NEB: variants seen among roughly 807,000 people sequenced by gnomAD.
NEB encodes nemaline myopathy type 2.
A neutral mutation model predicts 952.2 loss-of-function variants in NEB; 512 were observed. The ratio of observed to expected loss-of-function variants is 0.54; its 90% CI spans 0.50 to 0.58. The LOEUF is 0.58. Among genes scored for constraint, NEB ranks in the 20% least tolerant of loss-of-function variants. The probability of loss-of-function intolerance (pLI) is 0.00; values close to 1 mark genes in which losing one functional copy is unlikely to be tolerated. For missense variants in NEB, 8,428 were observed against 9,231.1 expected, an observed-to-expected ratio of 0.91 and a Z score of 3.56; for synonymous variants, 2,900 against 3,149.8, an observed-to-expected ratio of 0.92 and a Z score of 2.66.
chr2:151,497,894 A>G (rs2061380933), intron 170 of NEB, 176 bp from the exon 171 acceptor site: 2 of 1,486,250 alleles, frequency 1.3e-6, no homozygotes. Context: ...TGCACCCTCT[A>G]GAGAAGCAGG....
In NEB at chr2:151,568,095, A is replaced by T; in HGVS notation, c.17820T>A (p.His5940Gln). 1 of 1,613,598 alleles carries T rather than the reference A, an allele frequency of 6.2e-7. No homozygotes were observed. The highest frequency in any genetic ancestry group is 8.5e-7 in the Non-Finnish European group (1 of 1,179,670). The change falls in exon 113 of 182, where the codon CAT becomes CAA. Residue 5940 changes from histidine to glutamine, a missense_variant. By Grantham distance (24) the His-to-Gln change is conservative (BLOSUM62 0). This residue lies in a region of NEB where 3,374 missense variants were observed against 3,651.5 expected (regional missense o/e 0.92). Coordinates refer to ENST00000397345, the MANE Select transcript of NEB (RefSeq NM_001164508.2). The stretch of plus-strand genomic sequence containing the variant: ...CCTCACTCTGAACGTCATTGCAGTG[A>T]TGGGCATGAACAAATGGCACAGCAT... ...PPDAVPFVHA[H>Q]HCNDVQSELK...
intron 80 of NEB, 88 bp from the exon 81 acceptor site, chr2:151,610,208 AT>A: frequency 8.9e-7 from 1 of 1,122,012 alleles, no homozygotes; most frequent in Non-Finnish European, 1.3e-6. Context: ...AATGGACAAG[AT>A]TTTATATTAC....
chr2:151,535,731 A>G lies in NEB; in HGVS notation c.21272T>C (p.Ile7091Thr), dbSNP rs2093042317. 1 of 1,609,762 alleles carries G rather than the reference A, an allele frequency of 6.2e-7. No individual in the cohort carries two copies. Among genetic ancestry groups the G allele is most frequent in the African/African-American group, 1.3e-5 (1 of 74,898 alleles). The change falls in exon 142 of 182, where the codon ATC becomes ACC. Residue 7091 changes from isoleucine to threonine, a missense_variant. Ile to Thr is a moderately conservative substitution (Grantham distance 89, BLOSUM62 -1). Transcript: ENST00000397345. ...AGTTGCATACTTGAAATGCCTATTGATCGGAGAGTCGGCAACATACTTGAA... is the reference window on the plus strand; with the variant it reads ...AGTTGCATACTTGAAATGCCTATTGGTCGGAGAGTCGGCAACATACTTGAA... ...SDFKYVADSP[I>T]NRHFKYATQL...
rs114798570 is a variant in NEB, at chr2:151,488,001, A to G, written c.25404+1970T>C. The stretch of plus-strand genomic sequence containing the variant: ...TACTTTGTATTATGTACTTTATCTT[A>G]TTTTTATATTCTTGGTTACTAGCAC... On this transcript the variant is annotated intron_variant, in intron 181 of 181. Coordinates refer to ENST00000397345, the MANE Select transcript of NEB (RefSeq NM_001164508.2). Among the ~76,000 whole-genome samples, 1,113 of 152,086 alleles carry G rather than the reference A, an allele frequency of 7.3e-3. 14 individuals carry two copies. Among genetic ancestry groups the G allele is most frequent in the African/African-American group, 0.026 (1,069 of 41,484 alleles).
intron 105 of NEB, 49 bp from the exon 106 acceptor site, chr2:151,576,403 T>C (rs778404087): frequency 4.3e-6 from 6 of 1,402,566 alleles, no homozygotes; most frequent in Non-Finnish European, 5.8e-6. Flanking sequence ...TTGTTGTGTA[T>C]GTGTGTGGTA....
Position 151,619,652 on chromosome 2 carries a change from A to C in NEB, c.10671T>G (p.Ser3557Arg), listed in dbSNP as rs2098334309. Reference protein sequence around the residue: ...MWSLHIAKVQSDREYKKDFEK... With the variant: ...MWSLHIAKVQRDREYKKDFEK... The stretch of plus-strand genomic sequence containing the variant: ...CAAAATCTTTCTTGTACTCACGGTC[A>C]CTCTGCACTTTGGCAATGTGGAGGG... The change falls in exon 73 of 182, where the codon AGT becomes AGG. Residue 3557 changes from serine (S) to arginine (R), a missense_variant. Transcript: ENST00000397345. 6.2e-7 allele frequency: 1 copy of C among 1,613,840 alleles called. No homozygotes were observed. Among genetic ancestry groups the C allele is most frequent in the African/African-American group, 1.3e-5 (1 of 74,994 alleles).
intron 157 of NEB, among the ~76,000 whole-genome samples, chr2:151,515,557 G>A (rs1303733165): frequency 6.6e-6 from 1 of 152,072 alleles, no homozygotes; most frequent in African/African-American, 2.4e-5. Context: ...GGTGGGCAGT[G>A]AGGCACAGAG....
chr2:151,496,142 A>G, intron 173 of NEB, 134 bp downstream of exon 173: 1 of 1,042,798 alleles, frequency 9.6e-7, no homozygotes, highest in Non-Finnish European at 1.4e-6. Flanking sequence ...CCAAAGGAAA[A>G]AAGGGTAAAT....
intron 180 of NEB, 79 bp downstream of exon 180, chr2:151,490,293 G>T: frequency 6.7e-7 from 1 of 1,493,290 alleles, no homozygotes; most frequent in Non-Finnish European, 9.0e-7. Flanking sequence ...ATTTGTTTTT[G>T]TACTCAAAGC....
At chr2:151,641,914 T>C (rs531980706) in intron 60 of NEB, among the ~76,000 whole-genome samples, 1 of 152,312 alleles carries the variant, frequency 6.6e-6, no homozygotes, top group African/African-American at 2.4e-5. Flanking sequence ...GCTGCACCCA[T>C]TAACTGATCA....
chr2:151,546,024 AT>A (rs1309278632), intron 134 of NEB, 26 bp from the exon 135 acceptor site: 2 of 1,250,380 alleles, frequency 1.6e-6, no homozygotes, highest in Non-Finnish European at 2.3e-6. Context: ...AAAAACAGAA[AT>A]ACAAGTTGAT....
chr2:151,538,082 G>A (rs1170717045), intron 139 of NEB, 58 bp downstream of exon 139: 16 of 1,496,490 alleles, frequency 1.1e-5, no homozygotes, highest in Non-Finnish European at 1.4e-5. Flanking sequence ...AAAAATATAT[G>A]TATATGTATA....
chr2:151,552,840 C>T (rs2095419112), intron 127 of NEB, 64 bp from the exon 128 acceptor site: 6 of 1,209,018 alleles, frequency 5.0e-6, no homozygotes, highest in Non-Finnish European at 7.2e-6. Flanking sequence ...TGCTGGTTTT[C>T]ACAGAGGGTT....
At position 151,655,840 on chromosome 2, in the gene NEB, GC is replaced by G. The variant is rs751696276; in HGVS notation, c.6678del (p.Lys2226AsnfsTer7). On this transcript the variant is annotated frameshift_variant, in exon 50 of 182. Coordinates refer to ENST00000397345, the MANE Select transcript of NEB (RefSeq NM_001164508.2). LOFTEE classifies it high-confidence loss of function. ...ACCTTGTTCATGGTATGTGCATTCT[GC>G]TTGGCAAGCACCATGTCCATGGAAT... ...LTDSMDMVLA[K>X]QNAHTMNKHL... 3.7e-6 allele frequency: 6 copies of G among 1,613,532 alleles called. No homozygotes were observed.
At chr2:151,630,604 G>A (rs1004723917) in intron 67 of NEB, 111 bp downstream of exon 67, 1 of 780,254 alleles carries the variant, frequency 1.3e-6, no homozygotes, top group Admixed American at 2.3e-5. Context: ...GATGAGTGGA[G>A]TGTTAAATGA....
intron 171 of NEB, 109 bp from the exon 172 acceptor site, chr2:151,497,142 A>G: frequency 7.3e-7 from 1 of 1,369,594 alleles, no homozygotes; most frequent in East Asian, 2.5e-5. Context: ...ACAGTTGTCC[A>G]AGGAGCCAGA....
At chr2:151,570,930 T>C (rs2096606860) in intron 107 of NEB, among the ~76,000 whole-genome samples, 1 of 152,226 alleles carries the variant, frequency 6.6e-6, no homozygotes, top group Admixed American at 6.5e-5. Context: ...CAATGGGTAA[T>C]AGTCACATGA....
intron 157 of NEB, among the ~76,000 whole-genome samples, chr2:151,515,204 A>C (rs2076975189): frequency 6.6e-6 from 1 of 152,174 alleles, no homozygotes; most frequent in Admixed American, 6.5e-5. Flanking sequence ...GAGTGGAAGG[A>C]TGGATGCACC....
chr2:151,538,264 A>G lies in NEB; in HGVS notation c.20893-20T>C, dbSNP rs778541410. 24 of 1,543,046 alleles carry G rather than the reference A, an allele frequency of 1.6e-5. 1 individual carries two copies. The highest frequency in any genetic ancestry group is 1.2e-4 in the South Asian group (11 of 89,264). On this transcript the variant is annotated intron_variant, in intron 138 of 181. Transcript: ENST00000397345. ...GCGTAGCTAGAAAGAGAAAAAACAC[A>G]TGAATTACAAAAAAACTACCAAGTT...
Sources: gnomAD v4.1 joint callset for allele counts (sites outside exome capture counted in the v4.1 genomes callset) on GRCh38, gnomAD v4.1.1 for gene constraint, gnomAD v4.1.1 regional missense constraint, MANE v1.5 for transcripts, NCBI Gene and HGNC (gene_info 2026-07-23, HGNC 2026-07-21) for gene names.